RIMBP2: variants seen among roughly 807,000 people sequenced by gnomAD.
The protein encoded by RIMBP2 is RIMS binding protein 2, also known as RIMS-binding protein 2.
A neutral mutation model predicts 118.6 loss-of-function variants in RIMBP2; 48 were observed. That is an observed-to-expected ratio of 0.40 (90% CI 0.32 to 0.51). The LOEUF (loss-of-function observed/expected upper bound fraction) is 0.51. Among genes scored for constraint, RIMBP2 ranks in the 20% least tolerant of loss-of-function variants. The pLI is 0.41. For synonymous variants in RIMBP2, 762 were observed against 742.9 expected (o/e 1.03, Z -0.42); for missense variants, 1,551 against 1,768.3 (o/e 0.88, Z 2.20).
intron 4 of RIMBP2, 43 bp from the exon 5 acceptor site, chr12:130,479,059 G>A (rs2081708675): frequency 1.2e-5 from 18 of 1,528,142 alleles, no homozygotes; most frequent in Non-Finnish European, 1.5e-5. Flanking sequence ...GGCAGCCTGT[G>A]CCCATGGGCG....
intron 1 of RIMBP2, among the ~76,000 whole-genome samples, chr12:130,702,505 G>C (rs1053938515): frequency 7.4e-6 from 1 of 135,108 alleles, no homozygotes; most frequent in East Asian, 2.2e-4. Flanking sequence ...AACAGAGCAA[G>C]ACTCTGTCTC....
chr12:130,459,795 A>T (rs929809185), intron 6 of RIMBP2, among the ~76,000 whole-genome samples: 3 of 151,948 alleles, frequency 2.0e-5, no homozygotes, highest in African/African-American at 7.2e-5. Context: ...GGGGCCAAGG[A>T]CGAGGGTGAG....
At chr12:130,452,972 C>T (rs1163300103) in intron 7 of RIMBP2, among the ~76,000 whole-genome samples, 2 of 152,192 alleles carry the variant, frequency 1.3e-5, no homozygotes, top group African/African-American at 2.4e-5. Flanking sequence ...AGAAACAAAA[C>T]GTGCAGTGCC....
In RIMBP2 at chr12:130,594,231, C is replaced by T. The variant is rs528038182; in HGVS notation, c.-217+34091G>A. Among the ~76,000 whole-genome samples the T allele has an allele frequency of 3.9e-5, 6 of 152,330 alleles. No individual in the cohort carries two copies. In the South Asian group the frequency reaches 8.3e-4, roughly 21 times the overall value. On this transcript the variant is annotated intron_variant, in intron 2 of 22. Transcript: ENST00000690449. The stretch of plus-strand genomic sequence containing the variant: ...ATGTCAAGACCCTGGCAAAGATCCC[C>T]GACTCCCAATTCAGACTGTTCACCA...
intron 2 of RIMBP2, among the ~76,000 whole-genome samples, chr12:130,624,902 T>C (rs2061528677): frequency 6.6e-6 from 1 of 152,106 alleles, no homozygotes; most frequent in African/African-American, 2.4e-5. Context: ...TTTTTGTATT[T>C]TTAGTAGAGC....
intron 2 of RIMBP2, among the ~76,000 whole-genome samples, chr12:130,522,871 G>T (rs999519810): frequency 2.6e-5 from 4 of 152,178 alleles, no homozygotes; most frequent in Admixed American, 1.3e-4. Flanking sequence ...AGGTAAGGAA[G>T]GTTACATGAG....
chr12:130,682,643 G>A (rs143644876), intron 1 of RIMBP2, among the ~76,000 whole-genome samples: 6 of 152,346 alleles, frequency 3.9e-5, no homozygotes, highest in Admixed American at 6.5e-5. Context: ...TATCAGACAC[G>A]GAGTGCGTGC....
intron 1 of RIMBP2, among the ~76,000 whole-genome samples, chr12:130,642,478 T>C (rs1339126165): frequency 6.6e-6 from 1 of 151,946 alleles, no homozygotes; most frequent in African/African-American, 2.4e-5. Flanking sequence ...GGAGACGGGG[T>C]GTCGCCATGT....
chr12:130,459,319 C>T (rs1297691261), intron 6 of RIMBP2, among the ~76,000 whole-genome samples: 2 of 151,668 alleles, frequency 1.3e-5, no homozygotes, highest in Admixed American at 6.6e-5. Context: ...TATAAACACT[C>T]GAGAAAGCAA....
intron 2 of RIMBP2, among the ~76,000 whole-genome samples, chr12:130,599,385 C>T (rs150113892): frequency 2.0e-3 from 312 of 152,220 alleles, no homozygotes; most frequent in African/African-American, 7.1e-3. Flanking sequence ...AGAGCGTATG[C>T]AGATTATACA....
At position 130,442,920 on chromosome 12, in the gene RIMBP2, C is replaced by T. The variant is rs895207872; in HGVS notation, c.692-260G>A. Reference sequence around the variant, plus strand: ...CCTGAAACCATCATGTTTGTGTATCCGTGTACGTACACTGACTACCCCCTC... The same window carrying T: ...CCTGAAACCATCATGTTTGTGTATCTGTGTACGTACACTGACTACCCCCTC... On this transcript the variant is annotated intron_variant, in intron 10 of 22. Transcript: ENST00000690449. This position sits in a 1 kb window ranked among gnomAD's most constrained non-coding sequence, Gnocchi z 6.9. 1.3e-5 allele frequency among the ~76,000 whole-genome samples: 2 copies of T among 152,100 alleles called. No homozygotes were observed. The highest frequency in any genetic ancestry group is 2.9e-5 in the Non-Finnish European group (2 of 68,030).
At chr12:130,540,530 A>G (rs1251929176) in intron 2 of RIMBP2, among the ~76,000 whole-genome samples, 2 of 152,138 alleles carry the variant, frequency 1.3e-5, no homozygotes, top group Non-Finnish European at 2.9e-5. Flanking sequence ...GACCTCCCAG[A>G]TAGCATCATG....
chr12:130,437,902 T>G (rs1021429623), intron 12 of RIMBP2, among the ~76,000 whole-genome samples: 1 of 152,108 alleles, frequency 6.6e-6, no homozygotes, highest in African/African-American at 2.4e-5. Flanking sequence ...CAGGCAGGGA[T>G]AGGGGGCTGG....
At chr12:130,686,105 C>T (rs2065029980) in intron 1 of RIMBP2, among the ~76,000 whole-genome samples, 1 of 152,190 alleles carries the variant, frequency 6.6e-6, no homozygotes, top group South Asian at 2.1e-4. Flanking sequence ...TTTCTCCTCC[C>T]TTTAAAGGGA....
Position 130,478,995 on chromosome 12 carries a change from G to T in RIMBP2, c.19C>A (p.Arg7=), listed in dbSNP as rs950774501. Residue 7 remains arginine, a synonymous_variant, in exon 5 of 23, where the codon CGG becomes AGG. Transcript: ENST00000690449. MREAAE[R]RQQLQLEHDQ... ...TGCTCCAACTGCAGCTGCTGCCGCC[G>T]TTCAGCCGCCTCTCGCATATGCTGT... 1 of 1,613,656 alleles carries T rather than the reference G, an allele frequency of 6.2e-7. No homozygotes were observed. Among genetic ancestry groups the T allele is most frequent in the Non-Finnish European group, 8.5e-7 (1 of 1,179,878 alleles).
chr12:130,707,820 T>C (rs990283064), intron 1 of RIMBP2, among the ~76,000 whole-genome samples: 2 of 151,822 alleles, frequency 1.3e-5, no homozygotes, highest in Admixed American at 1.3e-4. Flanking sequence ...GAAGGGAAAG[T>C]GGCGGATATT....
intron 1 of RIMBP2, among the ~76,000 whole-genome samples, chr12:130,646,087 TTCCCTCTCC>T (rs2062882585): frequency 3.1e-4 from 19 of 60,548 alleles, no homozygotes; most frequent in African/African-American, 6.5e-4. Flanking sequence ...CCCTCACCAC[TTCCCTCTCC>T]ACCTCCCTCT....
chr12:130,640,352 A>G (rs1432374257), intron 1 of RIMBP2, among the ~76,000 whole-genome samples: 1 of 152,242 alleles, frequency 6.6e-6, no homozygotes, highest in African/African-American at 2.4e-5. Flanking sequence ...CCCTGGAACA[A>G]TTATGTATGG....
Position 130,508,715 on chromosome 12 carries a change from A to T in RIMBP2, c.-126-1945T>A, listed in dbSNP as rs1348863691. On this transcript the variant is annotated intron_variant, in intron 3 of 22. Transcript: ENST00000690449. ...TCCTGTGGCTGCTCCTCATTGGAAC[A>T]GAAGTGTCACCAGACAGAAGTTTTC... Among the ~76,000 whole-genome samples the T allele has an allele frequency of 9.8e-5, 15 of 152,298 alleles. No homozygotes were observed. In the East Asian group the frequency reaches 2.7e-3, roughly 28 times the overall value.
Sources: gnomAD v4.1 joint callset for allele counts (sites outside exome capture counted in the v4.1 genomes callset) on GRCh38, gnomAD v4.1.1 for gene constraint, Gnocchi (gnomAD v3.1) non-coding constraint, MANE v1.5 for transcripts, NCBI Gene and HGNC (gene_info 2026-07-23, HGNC 2026-07-21) for gene names.